ELAVL2: variants seen among roughly 807,000 people sequenced by gnomAD.
ELAVL2 encodes the protein ELAV like RNA binding protein 2.
Under a neutral mutation model 34.6 loss-of-function variants are expected in ELAVL2, and 4 were observed. That is an observed-to-expected ratio of 0.12 (90% CI 0.06 to 0.26). The LOEUF (loss-of-function observed/expected upper bound fraction) is 0.26. ELAVL2 is among the 10% of genes least tolerant of loss of function. ELAVL2 has a pLI of 1.00. For missense variants in ELAVL2, 432 were observed against 442.8 expected (o/e 0.98, Z 0.22); for synonymous variants, 193 against 154.8 (o/e 1.25, Z -1.83).
At chr9:23,734,869 G>T (rs1202370931) in intron 2 of ELAVL2, among the ~76,000 whole-genome samples, 3 of 151,646 alleles carry the variant, frequency 2.0e-5, no homozygotes, top group Admixed American at 6.6e-5. Flanking sequence ...ATATTCATCA[G>T]TAAGTCATGG....
chr9:23,736,514 C>T (rs1007544223), intron 2 of ELAVL2, among the ~76,000 whole-genome samples: 1 of 152,078 alleles, frequency 6.6e-6, no homozygotes, highest in Non-Finnish European at 1.5e-5. Context: ...TGTTTAAATA[C>T]AATGGTCAGA....
At chr9:23,834,308 T>A in the ELAVL2 span, among the ~76,000 whole-genome samples, 2 of 152,028 alleles carry the variant, frequency 1.3e-5, no homozygotes, top group African/African-American at 4.8e-5. Flanking sequence ...TATAGGAACA[T>A]CATAGAAGGG....
At chr9:23,731,665 G>T (rs1481894960) in intron 2 of ELAVL2, among the ~76,000 whole-genome samples, 1 of 152,200 alleles carries the variant, frequency 6.6e-6, no homozygotes, top group South Asian at 2.1e-4. Flanking sequence ...TATTTTAGAC[G>T]AGGGCTTATC....
rs539040255 is a variant in ELAVL2, at chr9:23,715,768, A to C, written c.334-10697T>G. On this transcript the variant is annotated intron_variant, in intron 3 of 6. Coordinates refer to ENST00000397312, the MANE Select transcript of ELAVL2 (RefSeq NM_004432.5). ...TGTCTAGTATGCCTAAGACACTGTC[A>C]ACAGATTAAAATGCTGAGTTAGAAT... Among the ~76,000 whole-genome samples the C allele has an allele frequency of 5.9e-5, 9 of 152,168 alleles. No homozygotes were observed. The East Asian group carries it at 1.5e-3, about 26-fold the overall frequency.
At chr9:23,809,072 C>A (rs914250388) in intron 1 of ELAVL2, among the ~76,000 whole-genome samples, 1 of 152,124 alleles carries the variant, frequency 6.6e-6, no homozygotes, top group Non-Finnish European at 1.5e-5. Flanking sequence ...AGCTTTCACC[C>A]TCAACAATTA....
At chr9:23,765,722 G>A (rs2056091459) in intron 1 of ELAVL2, among the ~76,000 whole-genome samples, 1 of 152,148 alleles carries the variant, frequency 6.6e-6, no homozygotes. Context: ...ATACTAAGAG[G>A]CAGTAAACCA....
At chr9:23,721,290 A>G (rs940799732) in intron 3 of ELAVL2, among the ~76,000 whole-genome samples, 1 of 152,216 alleles carries the variant, frequency 6.6e-6, no homozygotes, top group African/African-American at 2.4e-5. Context: ...ACTGTGCTTG[A>G]TTCTATGAAG....
At chr9:23,762,693 T>C (rs895866717) in intron 1 of ELAVL2, among the ~76,000 whole-genome samples, 1 of 152,134 alleles carries the variant, frequency 6.6e-6, no homozygotes, top group Non-Finnish European at 1.5e-5. Context: ...TCAGTTATCC[T>C]AAGAGGTTCA....
intron 5 of ELAVL2, among the ~76,000 whole-genome samples, chr9:23,700,659 A>C (rs746343809): frequency 6.6e-6 from 1 of 152,222 alleles, no homozygotes; most frequent in Non-Finnish European, 1.5e-5. Context: ...CAGATGCAAC[A>C]GTGACCATAA....
intron 1 of ELAVL2, among the ~76,000 whole-genome samples, chr9:23,793,493 C>CT (rs965290179): frequency 3.3e-5 from 5 of 152,148 alleles, no homozygotes; most frequent in African/African-American, 1.2e-4. Flanking sequence ...AAACCCTCAA[C>CT]TTTTTTTCTA....
chr9:23,811,207 C>CA (rs2062938867), intron 1 of ELAVL2, among the ~76,000 whole-genome samples: 1 of 151,820 alleles, frequency 6.6e-6, no homozygotes, highest in Non-Finnish European at 1.5e-5. Flanking sequence ...AAAATTTTTT[C>CA]AAAAAGTCCA....
chr9:23,833,098 A>T, the ELAVL2 span, among the ~76,000 whole-genome samples: 6 of 152,096 alleles, frequency 3.9e-5, no homozygotes, highest in South Asian at 1.2e-3. Context: ...GTATGGATGA[A>T]TTAGTGCTTT....
chr9:23,776,445 C>G (rs1215154092), intron 1 of ELAVL2, among the ~76,000 whole-genome samples: 1 of 152,074 alleles, frequency 6.6e-6, no homozygotes, highest in Admixed American at 6.5e-5. Flanking sequence ...TACTCTCTCC[C>G]CAACACAGCC....
intron 6 of ELAVL2, among the ~76,000 whole-genome samples, 198 bp from the exon 7 acceptor site, chr9:23,693,082 A>G (rs1050354750): frequency 9.2e-5 from 14 of 152,238 alleles, no homozygotes; most frequent in Admixed American, 3.3e-4. Flanking sequence ...TGAGATATTA[A>G]TAAGTTATGA....
At chr9:23,777,770 G>A (rs2058454744) in intron 1 of ELAVL2, among the ~76,000 whole-genome samples, 1 of 152,126 alleles carries the variant, frequency 6.6e-6, no homozygotes, top group Non-Finnish European at 1.5e-5. Context: ...TGGCTACCAA[G>A]ACAGCAGTTA....
At chr9:23,759,786 AT>A (rs1564325054) in intron 2 of ELAVL2, among the ~76,000 whole-genome samples, 5,869 of 130,296 alleles carry the variant, frequency 0.045, 215 homozygotes, top group Non-Finnish European at 0.061. Context: ...ATATATATAT[AT>A]ATAATGTATA....
rs2055127215 is a variant in ELAVL2, at chr9:23,761,995, A to C, written c.229+11T>G. The C allele has an allele frequency of 1.2e-6, 2 of 1,606,744 alleles. No individual in the cohort carries two copies. Among genetic ancestry groups the C allele is most frequent in the South Asian group, 1.1e-5 (1 of 90,156 alleles). On this transcript the variant is annotated intron_variant, in intron 2 of 6. Coordinates refer to ENST00000397312, the MANE Select transcript of ELAVL2 (RefSeq NM_004432.5). ...CCGTTAAATATAAATCATCTACATA[A>C]AACTGCTTACCTGTTATTTTGTCTC...
intron 1 of ELAVL2, among the ~76,000 whole-genome samples, chr9:23,769,607 T>C (rs980613550): frequency 6.6e-6 from 1 of 152,200 alleles, no homozygotes; most frequent in Non-Finnish European, 1.5e-5. Context: ...TTATTCAATC[T>C]AGAATCCTTG....
At chr9:23,780,396 A>C (rs1394621411) in intron 1 of ELAVL2, among the ~76,000 whole-genome samples, 1 of 152,156 alleles carries the variant, frequency 6.6e-6, no homozygotes, top group East Asian at 1.9e-4. Flanking sequence ...TCTTAAGATA[A>C]ATTTCCAACT....
Sources: allele counts gnomAD v4.1 joint callset (sites outside exome capture counted in the v4.1 genomes callset), GRCh38; gene constraint gnomAD v4.1.1; transcripts MANE v1.5; gene names NCBI Gene and HGNC (gene_info 2026-07-23, HGNC 2026-07-21).